Variants in FRMD6 observed in about 807,000 individuals in gnomAD.
The protein encoded by FRMD6 is FERM domain containing 6, also known as FERM domain-containing protein 6.
In FRMD6, 37 loss-of-function variants were observed where a neutral mutation model predicts 73.2. The observed-to-expected ratio is 0.51, with a 90% confidence interval of 0.39 to 0.66. The LOEUF (loss-of-function observed/expected upper bound fraction) is 0.66, where lower values mean the gene tolerates loss of function less well. Ranked by LOEUF, FRMD6 falls within the 30% of genes least tolerant of loss-of-function variation. The probability of loss-of-function intolerance (pLI) is 0.00; values close to 1 mark genes in which losing one functional copy is unlikely to be tolerated. For missense variants in FRMD6, 714 were observed against 780.5 expected (o/e 0.91, Z 1.02); for synonymous variants, 273 against 282.2 (o/e 0.97, Z 0.33).
chr14:51,417,816 A>G, the FRMD6 span, among the ~76,000 whole-genome samples: 5 of 152,116 alleles, frequency 3.3e-5, no homozygotes, highest in African/African-American at 1.2e-4. Context: ...GTCTTTTCAC[A>G]TAGTCCCATA....
At chr14:51,571,033 T>A (rs1888107536) in intron 2 of FRMD6, among the ~76,000 whole-genome samples, 1 of 152,180 alleles carries the variant, frequency 6.6e-6, no homozygotes, top group Non-Finnish European at 1.5e-5. Context: ...CATCTATAAA[T>A]GGGTGTCCAG....
chr14:51,660,469 G>T, intron 1 of FRMD6, among the ~76,000 whole-genome samples: 1 of 152,062 alleles, frequency 6.6e-6, no homozygotes. Flanking sequence ...GAATGTGCAA[G>T]ATCTGGTAAA....
chr14:51,697,154 C>T (rs999048030), intron 2 of FRMD6, among the ~76,000 whole-genome samples: 12 of 152,138 alleles, frequency 7.9e-5, no homozygotes, highest in African/African-American at 2.9e-4. Flanking sequence ...CCTGGAACCC[C>T]ATTCCTGGGT....
chr14:51,671,589 C>G lies in FRMD6; in HGVS notation c.-146-18102C>G, dbSNP rs945096581. Among the ~76,000 whole-genome samples the G allele has an allele frequency of 4.3e-4, 66 of 152,112 alleles. 2 individuals are homozygous for G. The highest frequency in any genetic ancestry group is 1.2e-4 in the Non-Finnish European group (8 of 68,022). ...GGACAGCAGTTTGAAAAGAACCCCT[C>G]TCAAAGCAGCATGAATTCTGCTGAA... On this transcript the variant is annotated intron_variant, in intron 1 of 13. Coordinates refer to ENST00000344768, the MANE Select transcript of FRMD6 (RefSeq NM_001267046.2).
the FRMD6 span, among the ~76,000 whole-genome samples, chr14:51,472,290 AATTATT>A: frequency 2.6e-5 from 4 of 151,678 alleles, no homozygotes; most frequent in Admixed American, 6.6e-5. Context: ...TTGCTGAAGG[AATTATT>A]ATTATTATAA....
chr14:51,476,930 A>C, the FRMD6 span, among the ~76,000 whole-genome samples: 1 of 152,266 alleles, frequency 6.6e-6, no homozygotes, highest in Non-Finnish European at 1.5e-5. Context: ...GACTGCAGAA[A>C]TCAAACCAGT....
At chr14:51,645,315 T>A (rs1055940160) in intron 2 of FRMD6, among the ~76,000 whole-genome samples, 4 of 152,196 alleles carry the variant, frequency 2.6e-5, no homozygotes, top group Non-Finnish European at 5.9e-5. Context: ...CACATCAGCA[T>A]CTTGTTTTAT....
chr14:51,507,359 G>A (rs1453475556), intron 1 of FRMD6, among the ~76,000 whole-genome samples: 8 of 151,938 alleles, frequency 5.3e-5, no homozygotes, highest in Non-Finnish European at 1.0e-4. Context: ...CAGCAGTGTG[G>A]CAGCAACATG....
rs1594778383 is a variant in FRMD6 at position 51,716,677 on chromosome 14, A to G, written c.1024+1178A>G. ...CATGAATCATTCCTCACTGTCTGCC[A>G]CAAACTGCCTGTGTCTTCAGAGAGA... is the stretch of plus-strand genomic sequence containing the variant. On this transcript the variant is annotated intron_variant, in intron 10 of 13. Transcript: ENST00000344768. Among the ~76,000 whole-genome samples the G allele has an allele frequency of 2.0e-5, 3 of 152,224 alleles. No homozygotes were observed. In the South Asian group the frequency reaches 6.2e-4, roughly 32 times the overall value.
the FRMD6 span, among the ~76,000 whole-genome samples, chr14:51,476,456 A>G: frequency 1.3e-5 from 2 of 152,132 alleles, no homozygotes; most frequent in African/African-American, 4.8e-5. Context: ...AACAGGTAGA[A>G]ACTATCTTCA....
rs540877807 is a variant in FRMD6, at chr14:51,552,512, A to G, written c.-209-17836A>G. On this transcript the variant is annotated intron_variant, in intron 1 of 14. Transcript: ENST00000356218. Reference sequence around the variant, plus strand: ...AGTGGCGCAGATGGGAACCCACTGCAGTCACTCTGCAAAACTGGAGTGCGA... The same window carrying G: ...AGTGGCGCAGATGGGAACCCACTGCGGTCACTCTGCAAAACTGGAGTGCGA... 2.0e-5 allele frequency among the ~76,000 whole-genome samples: 3 copies of G among 152,348 alleles called. No homozygotes were observed. In the South Asian group the frequency reaches 6.2e-4, roughly 32 times the overall value.
rs190768526 is a variant in FRMD6 at position 51,544,055 on chromosome 14, T to C, written c.-209-26293T>C. On this transcript the variant is annotated intron_variant, in intron 1 of 14. Coordinates refer to the FRMD6 transcript ENST00000356218. Reference sequence around the variant, plus strand: ...ACCATCAGCACAGCTTCAACAGTTATCAAAAACATGCCCAGTCTCATTTCA... The same window carrying C: ...ACCATCAGCACAGCTTCAACAGTTACCAAAAACATGCCCAGTCTCATTTCA... Among the ~76,000 whole-genome samples the C allele has an allele frequency of 7.5e-3, 1,136 of 152,072 alleles. 11 individuals are homozygous for C. The highest frequency in any genetic ancestry group is 0.021 in the South Asian group (103 of 4,826).
chr14:51,575,619 T>C (rs1342072413), intron 2 of FRMD6: 1 of 152,150 alleles, frequency 6.6e-6, no homozygotes. Flanking sequence ...TCCTTAGAGA[T>C]TTTTTTTCTT....
At chr14:51,564,956 T>A (rs2139539490) in intron 1 of FRMD6, among the ~76,000 whole-genome samples, 1 of 152,356 alleles carries the variant, frequency 6.6e-6, no homozygotes, top group East Asian at 1.9e-4. Flanking sequence ...GACCTGTTCA[T>A]GATGTTTAAC....
chr14:51,674,289 A>T (rs1894230568), intron 1 of FRMD6, among the ~76,000 whole-genome samples: 1 of 152,178 alleles, frequency 6.6e-6, no homozygotes, highest in Admixed American at 6.5e-5. Context: ...ACTCCTCTCG[A>T]TGAGTGCTTT....
At chr14:51,562,269 C>A (rs759925039) in intron 1 of FRMD6, among the ~76,000 whole-genome samples, 1 of 152,160 alleles carries the variant, frequency 6.6e-6, no homozygotes, top group African/African-American at 2.4e-5. Flanking sequence ...TGCCTGCATC[C>A]AGGGACTAAT....
At chr14:51,486,782 T>C (rs1882769430), upstream of FRMD6, among the ~76,000 whole-genome samples, 1 of 152,222 alleles carries the variant, frequency 6.6e-6, no homozygotes. Flanking sequence ...TCTTTTGTCA[T>C]TTAACCTATG....
chr14:51,631,675 C>T (rs1039334600), intron 2 of FRMD6, among the ~76,000 whole-genome samples: 2 of 152,254 alleles, frequency 1.3e-5, no homozygotes, highest in East Asian at 1.9e-4. Context: ...TCAAATAAGA[C>T]TCAAGTAAGA....
chr14:51,453,995 G>T, the FRMD6 span, among the ~76,000 whole-genome samples: 1 of 152,210 alleles, frequency 6.6e-6, no homozygotes, highest in East Asian at 1.9e-4. Flanking sequence ...ATGAAGCAGG[G>T]CTCTGCTCCG....
Sources: gnomAD v4.1 joint callset for allele counts (sites outside exome capture counted in the v4.1 genomes callset) on GRCh38, gnomAD v4.1.1 for gene constraint, MANE v1.5 for transcripts, NCBI Gene and HGNC (gene_info 2026-07-23, HGNC 2026-07-21) for gene names.